ANO4: variants seen among roughly 807,000 people sequenced by gnomAD.
ANO4 encodes the protein anoctamin-4.
Under a neutral mutation model 141.9 loss-of-function variants are expected in ANO4, and 69 were observed. The ratio of observed to expected loss-of-function variants is 0.49; its 90% confidence interval spans 0.40 to 0.59. The LOEUF (loss-of-function observed/expected upper bound fraction) is 0.59. Among genes scored for constraint, ANO4 ranks in the 20% least tolerant of loss-of-function variants. The pLI, the probability that ANO4 is intolerant of heterozygous loss-of-function variation, is 0.00. For synonymous variants in ANO4, 350 were observed against 394.3 expected, an observed-to-expected ratio of 0.89 and a Z score of 1.33; for missense variants, 894 against 1,162.2, an observed-to-expected ratio of 0.77 and a Z score of 3.36.
intron 2 of ANO4, among the ~76,000 whole-genome samples, chr12:100,736,952 A>G (rs1006245603): frequency 2.0e-5 from 3 of 152,112 alleles, no homozygotes; most frequent in African/African-American, 2.4e-5. Context: ...CCCCAGAACC[A>G]TGAGAGAATA....
chr12:100,818,452 A>T (rs553145574), intron 1 of ANO4, among the ~76,000 whole-genome samples: 1 of 152,030 alleles, frequency 6.6e-6, no homozygotes, highest in South Asian at 2.1e-4. Context: ...TCACTAAATC[A>T]GATAGTTACA....
intron 14 of ANO4, among the ~76,000 whole-genome samples, chr12:101,059,279 G>C (rs1439187690): frequency 6.6e-6 from 1 of 152,172 alleles, no homozygotes; most frequent in Non-Finnish European, 1.5e-5. Context: ...TTTCATTGAG[G>C]ATTTTCGCAT....
At chr12:100,899,484 G>C (rs1327385914) in intron 1 of ANO4, among the ~76,000 whole-genome samples, 1 of 152,204 alleles carries the variant, frequency 6.6e-6, no homozygotes, top group Non-Finnish European at 1.5e-5. Flanking sequence ...TGTCAGGACT[G>C]TCTGGCGGTG....
chr12:101,075,691 GATACATATATCTTTATATAAAACAA>G, intron 14 of ANO4, among the ~76,000 whole-genome samples: 1 of 140,862 alleles, frequency 7.1e-6, no homozygotes, highest in Non-Finnish European at 1.5e-5. Context: ...AAAACATAAA[GATACATATATCTTTATATAAAACAA>G]ATATATATAT....
At chr12:100,967,581 A>G (rs1382489450) in intron 5 of ANO4, among the ~76,000 whole-genome samples, 1 of 111,420 alleles carries the variant, frequency 9.0e-6, no homozygotes, top group Admixed American at 8.3e-5. Flanking sequence ...ACACACACAC[A>G]CACACACACA....
intron 3 of ANO4, among the ~76,000 whole-genome samples, chr12:100,746,453 T>TAAAAA: frequency 6.8e-6 from 1 of 147,010 alleles, no homozygotes; most frequent in Middle Eastern, 3.6e-3. Context: ...ACTCTGTTAT[T>TAAAAA]AAAAAGAATG....
At chr12:101,063,409 A>G (rs2048431768) in intron 14 of ANO4, among the ~76,000 whole-genome samples, 1 of 152,238 alleles carries the variant, frequency 6.6e-6, no homozygotes, top group African/African-American at 2.4e-5. Flanking sequence ...ATGATCTTGC[A>G]TTCCAAGGAT....
At chr12:100,766,949 TATCATCATATA>T (rs1365175853) in intron 3 of ANO4, among the ~76,000 whole-genome samples, 3 of 152,184 alleles carry the variant, frequency 2.0e-5, no homozygotes, top group Non-Finnish European at 4.4e-5. Context: ...TTGACCTCTT[TATCATCATATA>T]ATCATCTTAT....
At position 101,076,724 on chromosome 12, in the gene ANO4, G is replaced by A. The variant is rs561617941; in HGVS notation, c.1313-2469G>A. Among the ~76,000 whole-genome samples the A allele has an allele frequency of 2.0e-5, 3 of 152,258 alleles. No homozygotes were observed. In the South Asian group the frequency reaches 6.2e-4, roughly 32 times the overall value. On this transcript the variant is annotated intron_variant, in intron 14 of 27. Transcript: ENST00000392977. ...CATCAAGTGTCTTTATGCTCATGGAGGTACCTTTGTGATTTTTATGGAAAA... is the reference window on the plus strand; with the variant it reads ...CATCAAGTGTCTTTATGCTCATGGAAGTACCTTTGTGATTTTTATGGAAAA...
intron 1 of ANO4, among the ~76,000 whole-genome samples, chr12:100,726,262 T>C: frequency 6.6e-6 from 1 of 152,276 alleles, no homozygotes; most frequent in South Asian, 2.1e-4. Context: ...TTTTTATTTT[T>C]AAGGCCCTTC....
At chr12:100,910,735 T>C (rs1481998746) in intron 2 of ANO4, among the ~76,000 whole-genome samples, 1 of 152,180 alleles carries the variant, frequency 6.6e-6, no homozygotes, top group Admixed American at 6.5e-5. Flanking sequence ...AAATACTTCT[T>C]CTATTGCTTT....
In ANO4 at chr12:100,818,184, TATA is replaced by T. The variant is rs1344210119; in HGVS notation, c.-141+23165_-141+23167del. On this transcript the variant is annotated intron_variant, in intron 1 of 27. Transcript: ENST00000392977. ...TGGTACTTAATTAAAATTATATAGT[TATA>T]ATAATAAGTATGAATGACATAAAAA... Among the ~76,000 whole-genome samples, 6 of 152,060 alleles carry T rather than the reference TATA, an allele frequency of 3.9e-5. No individual in the cohort carries two copies. In the East Asian group the frequency reaches 9.7e-4, roughly 25 times the overall value.
chr12:101,083,161 C>T (rs2049352191), intron 15 of ANO4, among the ~76,000 whole-genome samples: 1 of 152,020 alleles, frequency 6.6e-6, no homozygotes, highest in Non-Finnish European at 1.5e-5. Context: ...AAAGTAGATT[C>T]ACCATGTTTT....
chr12:100,917,067 G>A (rs643769), intron 2 of ANO4, among the ~76,000 whole-genome samples: 39,533 of 151,742 alleles, frequency 0.26, 5,957 homozygotes, highest in Admixed American at 0.4. Context: ...TTTATTAAAT[G>A]TAAATGCTGT....
intron 1 of ANO4, among the ~76,000 whole-genome samples, chr12:100,882,985 G>A (rs2039643055): frequency 6.6e-6 from 1 of 152,170 alleles, no homozygotes; most frequent in African/African-American, 2.4e-5. Flanking sequence ...ACAGGTGTGA[G>A]CCACCGCACC....
intron 21 of ANO4, among the ~76,000 whole-genome samples, chr12:101,099,021 C>A (rs567754238): frequency 7.2e-5 from 11 of 152,136 alleles, no homozygotes; most frequent in African/African-American, 2.7e-4. Flanking sequence ...CCTGTGCTAA[C>A]CTTACCAATG....
intron 3 of ANO4, among the ~76,000 whole-genome samples, chr12:100,934,062 A>C (rs1042432344): frequency 6.6e-6 from 1 of 152,040 alleles, no homozygotes; most frequent in Non-Finnish European, 1.5e-5. Context: ...GTTCACTCTG[A>C]TGGTAGTTTC....
intron 3 of ANO4, among the ~76,000 whole-genome samples, chr12:100,784,036 G>A (rs1022551760): frequency 1.3e-5 from 2 of 152,136 alleles, no homozygotes; most frequent in South Asian, 4.2e-4. Flanking sequence ...CCTACGGCAA[G>A]TGCAATCTAA....
chr12:101,099,880 C>A (rs1157978534), intron 22 of ANO4, among the ~76,000 whole-genome samples, 160 bp downstream of exon 22: 1 of 152,184 alleles, frequency 6.6e-6, no homozygotes, highest in African/African-American at 2.4e-5. Flanking sequence ...GCTACACTTA[C>A]ATTTAAGGAA....
Sources: allele counts gnomAD v4.1 joint callset (sites outside exome capture counted in the v4.1 genomes callset), GRCh38; gene constraint gnomAD v4.1.1; transcripts MANE v1.5; gene names NCBI Gene and HGNC (gene_info 2026-07-23, HGNC 2026-07-21).